Variants in ATXN1 observed in about 807,000 individuals in gnomAD.
The protein encoded by ATXN1 is ataxin-1.
A neutral mutation model predicts 56.4 loss-of-function variants in ATXN1; 8 were observed. That is an observed-to-expected ratio of 0.14 (90% CI 0.08 to 0.26). The LOEUF is 0.26. Ranked by LOEUF, ATXN1 falls within the 10% of genes least tolerant of loss-of-function variation. ATXN1 has a pLI of 1.00. For missense variants in ATXN1, 987 were observed against 1,106.5 expected, an observed-to-expected ratio of 0.89 and a Z score of 1.53; for synonymous variants, 514 against 494.6, an observed-to-expected ratio of 1.04 and a Z score of -0.52.
At chr6:16,683,314 A>C (rs1010694705) in intron 2 of ATXN1, among the ~76,000 whole-genome samples, 1 of 152,202 alleles carries the variant, frequency 6.6e-6, no homozygotes, top group African/African-American at 2.4e-5. Context: ...CTGCTTTCTA[A>C]ATTGACAGCC....
chr6:16,320,418 G>A (rs990606188), intron 7 of ATXN1, among the ~76,000 whole-genome samples: 5 of 146,172 alleles, frequency 3.4e-5, no homozygotes, highest in African/African-American at 5.3e-5. Flanking sequence ...GCTGGGAAGC[G>A]ACAGACGGCC....
intron 6 of ATXN1, among the ~76,000 whole-genome samples, chr6:16,420,702 T>C (rs1759014082): frequency 6.6e-6 from 1 of 152,216 alleles, no homozygotes; most frequent in Non-Finnish European, 1.5e-5. Flanking sequence ...AAACAGACAT[T>C]ACTTTTGGGA....
chr6:16,479,077 A>C (rs537062630), intron 6 of ATXN1, among the ~76,000 whole-genome samples: 1 of 152,352 alleles, frequency 6.6e-6, no homozygotes, highest in East Asian at 1.9e-4. Flanking sequence ...TCCAAAGAGC[A>C]TGATGATAAA....
intron 2 of ATXN1, among the ~76,000 whole-genome samples, chr6:16,747,256 T>C (rs753437904): frequency 7.2e-5 from 11 of 152,188 alleles, no homozygotes; most frequent in Non-Finnish European, 1.5e-4. Flanking sequence ...TAACAGGCCA[T>C]ATAATGGTTT....
chr6:16,715,741 G>A (rs1337095479), intron 2 of ATXN1, among the ~76,000 whole-genome samples: 1 of 152,080 alleles, frequency 6.6e-6, no homozygotes, highest in Non-Finnish European at 1.5e-5. Context: ...ATATGTTTTG[G>A]AATCTACAGA....
At chr6:16,332,852 C>T (rs1046039057) in intron 6 of ATXN1, among the ~76,000 whole-genome samples, 3 of 152,158 alleles carry the variant, frequency 2.0e-5, no homozygotes, top group African/African-American at 7.2e-5. Context: ...TGTGGTCCTC[C>T]GACCCGTGAC....
chr6:16,457,836 A>C (rs572984190), intron 6 of ATXN1, among the ~76,000 whole-genome samples: 3 of 152,278 alleles, frequency 2.0e-5, no homozygotes, highest in Admixed American at 6.5e-5. Context: ...CAAGCAAAGA[A>C]ATTTCCAAAG....
intron 4 of ATXN1, among the ~76,000 whole-genome samples, chr6:16,537,930 C>T (rs1581830128): frequency 6.6e-6 from 1 of 151,974 alleles, no homozygotes; most frequent in Non-Finnish European, 1.5e-5. Flanking sequence ...TGGTGATACC[C>T]CATCTCTACT....
intron 6 of ATXN1, among the ~76,000 whole-genome samples, chr6:16,417,003 T>A (rs1160007613): frequency 2.6e-5 from 4 of 152,246 alleles, no homozygotes; most frequent in Non-Finnish European, 5.9e-5. Context: ...ACAATATTTC[T>A]AATGTTTTGT....
At chr6:16,672,502 G>T (rs897892825) in intron 2 of ATXN1, among the ~76,000 whole-genome samples, 2 of 152,168 alleles carry the variant, frequency 1.3e-5, no homozygotes, top group African/African-American at 2.4e-5. Context: ...TGAATTCGTG[G>T]TAAAAGCGAT....
intron 6 of ATXN1, among the ~76,000 whole-genome samples, chr6:16,429,368 T>C (rs2113578511): frequency 1.7e-5 from 1 of 57,966 alleles, no homozygotes; most frequent in African/African-American, 6.6e-5. Flanking sequence ...TTTGGAGTCC[T>C]TTTAGCATTA....
intron 3 of ATXN1, among the ~76,000 whole-genome samples, chr6:16,654,320 T>C (rs1758144137): frequency 6.6e-6 from 1 of 152,096 alleles, no homozygotes; most frequent in Non-Finnish European, 1.5e-5. Context: ...CCAAGGCAGA[T>C]GGATCATGAG....
intron 6 of ATXN1, among the ~76,000 whole-genome samples, chr6:16,397,866 A>C (rs1431610774): frequency 2.6e-5 from 4 of 152,156 alleles, no homozygotes; most frequent in African/African-American, 9.7e-5. Context: ...ATCATCCTTC[A>C]CCACGGCCAC....
At chr6:16,340,604 G>A (rs529283002) in intron 6 of ATXN1, among the ~76,000 whole-genome samples, 2 of 152,282 alleles carry the variant, frequency 1.3e-5, no homozygotes, top group Admixed American at 6.5e-5. Context: ...TATCAAAACG[G>A]AGGGTGGTCT....
chr6:16,574,112 T>A (rs1289956864), intron 4 of ATXN1, among the ~76,000 whole-genome samples: 1 of 152,214 alleles, frequency 6.6e-6, no homozygotes, highest in East Asian at 1.9e-4. Flanking sequence ...CTGCAACCTC[T>A]GCCTTCCAGG....
chr6:16,691,211 T>C (rs1159198604), intron 2 of ATXN1, among the ~76,000 whole-genome samples: 4 of 152,216 alleles, frequency 2.6e-5, no homozygotes, highest in African/African-American at 9.6e-5. Context: ...CCTTTTATCA[T>C]TGTCATCATC....
chr6:16,498,068 T>G (rs1241094313), intron 5 of ATXN1, among the ~76,000 whole-genome samples: 1 of 152,190 alleles, frequency 6.6e-6, no homozygotes, highest in Non-Finnish European at 1.5e-5. Context: ...TCCATCCACA[T>G]GTTGAACAAC....
At chr6:16,681,061 C>T (rs1273408099) in intron 2 of ATXN1, among the ~76,000 whole-genome samples, 1 of 152,128 alleles carries the variant, frequency 6.6e-6, no homozygotes, top group African/African-American at 2.4e-5. Context: ...ATAGGAGCTA[C>T]CTAATCAATT....
chr6:16,744,608 C>G (rs1039686212), intron 2 of ATXN1, among the ~76,000 whole-genome samples: 1 of 152,016 alleles, frequency 6.6e-6, no homozygotes, highest in Non-Finnish European at 1.5e-5. Flanking sequence ...GGGTGAGAAT[C>G]AAGGAGTGAG....
Sources: gnomAD v4.1 joint callset for allele counts (sites outside exome capture counted in the v4.1 genomes callset) on GRCh38, gnomAD v4.1.1 for gene constraint, MANE v1.5 for transcripts, NCBI Gene and HGNC (gene_info 2026-07-23, HGNC 2026-07-21) for gene names.